The following STK32C variants were observed in gnomAD, a reference collection of about 807,000 sequenced individuals.
STK32C encodes serine/threonine-protein kinase 32C.
STK32C carries 31 observed loss-of-function variants against 56.5 expected under a neutral mutation model. That is an observed-to-expected ratio of 0.55 (90% confidence interval 0.41 to 0.74). The LOEUF is 0.74. Ranked by LOEUF, STK32C falls within the 30% of genes least tolerant of loss-of-function variation. STK32C has a pLI of 0.00. For missense variants in STK32C, 544 were observed against 676.9 expected (o/e 0.80, Z 2.18); for synonymous variants, 309 against 289.4 (o/e 1.07, Z -0.69).
chr10:132,278,791 C>A (rs958294627), intron 1 of STK32C, among the ~76,000 whole-genome samples: 2 of 149,526 alleles, frequency 1.3e-5, no homozygotes, highest in East Asian at 3.9e-4. Context: ...CAAAATACTA[C>A]AAACTGAGAA....
intron 8 of STK32C, among the ~76,000 whole-genome samples, chr10:132,223,338 A>G (rs941276503): frequency 2.6e-5 from 4 of 152,184 alleles, no homozygotes; most frequent in African/African-American, 7.2e-5. Context: ...CTGGCCTCAC[A>G]GTAACTATCC....
chr10:132,246,135 G>A (rs759542239), intron 1 of STK32C, among the ~76,000 whole-genome samples, 180 bp from the exon 2 acceptor site: 22 of 152,220 alleles, frequency 1.4e-4, no homozygotes, highest in Non-Finnish European at 1.9e-4. Context: ...GCTGAGCCCC[G>A]GTCAGTGAAG....
chr10:132,250,835 G>A (rs1207621270), intron 1 of STK32C, among the ~76,000 whole-genome samples: 2 of 152,212 alleles, frequency 1.3e-5, no homozygotes, highest in African/African-American at 4.8e-5. Flanking sequence ...GAGGAGGAAG[G>A]TTCCAAGCTG....
chr10:132,208,951 G>A (rs41306840), intron 11 of STK32C, 83 bp downstream of exon 11: 186,894 of 1,336,774 alleles, frequency 0.14, 14,716 homozygotes, highest in South Asian at 0.15. Context: ...ACAGGTGCCC[G>A]CTCACGTGGC....
At chr10:132,325,863 C>T (rs371718512) in intron 1 of STK32C, among the ~76,000 whole-genome samples, 119 of 151,746 alleles carry the variant, frequency 7.8e-4, no homozygotes, top group African/African-American at 2.7e-3. Context: ...CTGGGACTAT[C>T]GGAGTCTGCA....
chr10:132,326,401 G>A (rs534341118), intron 1 of STK32C, among the ~76,000 whole-genome samples: 14 of 152,252 alleles, frequency 9.2e-5, no homozygotes, highest in African/African-American at 3.4e-4. Flanking sequence ...GTGTGATGTC[G>A]GCTCACTACA....
chr10:132,280,436 G>T (rs764490858), intron 1 of STK32C, among the ~76,000 whole-genome samples: 1 of 130,816 alleles, frequency 7.6e-6, no homozygotes, highest in Admixed American at 7.6e-5. Context: ...ACTGCACTCC[G>T]TGATCACGCC....
intron 1 of STK32C, among the ~76,000 whole-genome samples, chr10:132,298,087 A>C (rs1407916558): frequency 1.3e-5 from 2 of 151,292 alleles, no homozygotes; most frequent in Non-Finnish European, 2.9e-5. Context: ...CAGCAGCACC[A>C]CTCCCTGAAG....
At chr10:132,213,020 C>T (rs1445749452) in intron 10 of STK32C, among the ~76,000 whole-genome samples, 1 of 152,174 alleles carries the variant, frequency 6.6e-6, no homozygotes, top group Non-Finnish European at 1.5e-5. Context: ...CTTATGAGGC[C>T]CCCAACGTTT....
chr10:132,263,959 T>C (rs533832991), intron 1 of STK32C, among the ~76,000 whole-genome samples: 14 of 150,422 alleles, frequency 9.3e-5, no homozygotes, highest in African/African-American at 2.7e-4. Context: ...GACAGAAACA[T>C]AGCGCCAGGT....
intron 1 of STK32C, chr10:132,249,150 CGGGGCGTGCAGGGG>C (rs755180452): frequency 8.0e-6 from 1 of 124,276 alleles, no homozygotes; most frequent in Non-Finnish European, 1.7e-5. Context: ...GTGCAGGGGG[CGGGGCGTGCAGGGG>C]GCGGGGCTAT....
At chr10:132,331,455 C>T in exon 1 of STK32C, 1 of 1,611,802 alleles carries the variant, frequency 6.2e-7, no homozygotes, top group Non-Finnish European at 8.5e-7. Flanking sequence ...TCGCCCCCCT[C>T]ACTCCTCCGT....
downstream of STK32C, chr10:132,323,995 G>A (rs751380850): frequency 2.0e-6 from 1 of 494,118 alleles, no homozygotes; most frequent in Non-Finnish European, 3.6e-6. The surrounding 1 kb of genome is among the most constrained non-coding windows in gnomAD (Gnocchi z 4.8). Context: ...ACTCCCTCAA[G>A]AATTAGCCCA....
At chr10:132,270,533 G>A (rs559955438) in intron 1 of STK32C, among the ~76,000 whole-genome samples, 1 of 152,356 alleles carries the variant, frequency 6.6e-6, no homozygotes, top group East Asian at 1.9e-4. Context: ...TGTGCACTGT[G>A]GGAACCGCAG....
intron 1 of STK32C, among the ~76,000 whole-genome samples, chr10:132,294,859 G>T (rs915050541): frequency 3.3e-5 from 5 of 152,182 alleles, no homozygotes; most frequent in Admixed American, 3.3e-4. Context: ...ACAGGCCACA[G>T]GTCCTGCAGC....
chr10:132,251,070 C>T (rs112234096), intron 1 of STK32C, among the ~76,000 whole-genome samples: 3,226 of 152,270 alleles, frequency 0.021, 130 homozygotes, highest in African/African-American at 0.071. Flanking sequence ...TGGGGTCACC[C>T]CCAAGGAGCC....
intron 10 of STK32C, among the ~76,000 whole-genome samples, chr10:132,213,413 T>C (rs2062375977): frequency 6.6e-6 from 1 of 152,178 alleles, no homozygotes; most frequent in African/African-American, 2.4e-5. Flanking sequence ...ACGCAGACTC[T>C]CTCTGAGGAG....
chr10:132,258,824 C>A (rs908309654), intron 1 of STK32C, among the ~76,000 whole-genome samples: 3 of 152,250 alleles, frequency 2.0e-5, no homozygotes, highest in Non-Finnish European at 4.4e-5. Context: ...ACCACAGTGC[C>A]GAGGAGGGGC....
At chr10:132,304,627 C>T (rs1424555330) in intron 1 of STK32C, among the ~76,000 whole-genome samples, 2 of 152,166 alleles carry the variant, frequency 1.3e-5, no homozygotes, top group Non-Finnish European at 2.9e-5. Context: ...GAGGTGACAC[C>T]GTGATCCCAA....
Sources: allele counts gnomAD v4.1 joint callset (sites outside exome capture counted in the v4.1 genomes callset), GRCh38; gene constraint gnomAD v4.1.1; non-coding constraint Gnocchi (gnomAD v3.1); transcripts MANE v1.5; gene names NCBI Gene and HGNC (gene_info 2026-07-23, HGNC 2026-07-21).